CREBZF: variants seen among roughly 807,000 people sequenced by gnomAD.
The protein encoded by CREBZF is HCF-binding transcription factor Zhangfei.
In CREBZF, 8 loss-of-function variants were observed where a neutral mutation model predicts 21.1. That is an observed-to-expected ratio of 0.38 (90% CI 0.22 to 0.68). The LOEUF (loss-of-function observed/expected upper bound fraction) is 0.68. CREBZF is among the 30% of genes least tolerant of loss of function. The probability of loss-of-function intolerance (pLI) is 0.51; values close to 1 mark genes in which losing one functional copy is unlikely to be tolerated. For synonymous variants in CREBZF, 270 were observed against 223.3 expected, an observed-to-expected ratio of 1.21 and a Z score of -1.86; for missense variants, 518 against 484.3, an observed-to-expected ratio of 1.07 and a Z score of -0.65.
At chr11:85,676,810 C>T (rs79192253) in intron 1 of CREBZF, among the ~76,000 whole-genome samples, 53 of 135,040 alleles carry the variant, frequency 3.9e-4, no homozygotes, top group Non-Finnish European at 6.7e-4. Flanking sequence ...GCTAATTTTT[C>T]TTTTTTTTTT....
In CREBZF at chr11:85,661,884, A is replaced by T. The variant is rs1591475025; in HGVS notation, c.*1927T>A. ...TTTCAATTCAAGGCTTCTGTTTCAA[A>T]AAAGCTACATTTAACATATTTCATA... On this transcript the variant is annotated 3_prime_UTR_variant, in exon 1 of 1. Transcript: ENST00000527447. The T allele has an allele frequency of 6.6e-6, 1 of 152,066 alleles. No individual in the cohort carries two copies. The highest frequency in any genetic ancestry group is 1.9e-4 in the East Asian group (1 of 5,174). 9.4% of individuals were successfully genotyped at this position (152,066 alleles called of 1,614,324 possible).
Position 85,664,778 on chromosome 11 carries a change from G to C in CREBZF, c.98C>G (p.Ser33Cys), listed in dbSNP as rs1321304168. ...CCCCGCTGCAGCCCGGGTCAGGTCA[G>C]AGGGCAGCGAACAAGTTGCAGCCGG... ...PEPAATCSLP[S>C]DLTRAAAGEE... The change falls in exon 1 of 1, where the codon TCT (serine) becomes TGT (cysteine). Residue 33 changes from serine to cysteine, a missense_variant. By Grantham distance (112) the Ser-to-Cys change is moderately radical (BLOSUM62 -1). Around this residue, in one of 3 missense-constraint regions of CREBZF, gnomAD observed 396 missense variants for 324.4 expected, o/e 1.22. Transcript: ENST00000527447. The surrounding 1 kb of genome is among the most constrained non-coding windows in gnomAD (Gnocchi z 5.5). 5.0e-6 allele frequency: 8 copies of C among 1,590,036 alleles called. No homozygotes were observed. The highest frequency in any genetic ancestry group is 2.2e-5 in the East Asian group (1 of 44,632).
At position 85,665,108 on chromosome 11, in the gene CREBZF, G is replaced by A. The variant is rs574531766; in HGVS notation, c.-233C>T. On this transcript the variant is annotated 5_prime_UTR_variant, in exon 1 of 1. Transcript: ENST00000527447. Reference sequence around the variant, plus strand: ...TGCGATGACTCGACCGCGCCACCCAGACAACGGCGTAGCCGGAAGTCAGTG... The same window carrying A: ...TGCGATGACTCGACCGCGCCACCCAAACAACGGCGTAGCCGGAAGTCAGTG... 6 of 418,910 alleles carry A rather than the reference G, an allele frequency of 1.4e-5. No homozygotes were observed. The highest frequency in any genetic ancestry group is 2.6e-5 in the Non-Finnish European group (6 of 230,500). 25.9% of individuals were successfully genotyped at this position (418,910 alleles called of 1,614,324 possible). A position where few individuals can be genotyped will look rare whatever the true frequency, so the allele number is the denominator to read the frequency against.
chr11:85,662,668 A>T lies in CREBZF; in HGVS notation c.*1143T>A, dbSNP rs1012221191. The T allele has an allele frequency of 5.0e-6, 2 of 402,320 alleles. No individual in the cohort carries two copies. Among genetic ancestry groups the T allele is most frequent in the East Asian group, 7.0e-5 (2 of 28,726 alleles). 24.9% of individuals were successfully genotyped at this position (402,320 alleles called of 1,614,324 possible). On this transcript the variant is annotated 3_prime_UTR_variant, in exon 1 of 1. Coordinates refer to ENST00000527447, the MANE Select transcript of CREBZF (RefSeq NM_001039618.4). Reference sequence around the variant, plus strand: ...TGGCCAGAACCACTCAATTTAAAAAATTATTTTAAAATAGGACAAATACTT... The same window carrying T: ...TGGCCAGAACCACTCAATTTAAAAATTTATTTTAAAATAGGACAAATACTT...
rs1483382870 is a variant in CREBZF, at chr11:85,663,830, G to C, written c.1046C>G (p.Ser349Trp). 1 of 1,601,780 alleles carries C rather than the reference G, an allele frequency of 6.2e-7. No individual in the cohort carries two copies. Among genetic ancestry groups the C allele is most frequent in the Non-Finnish European group, 8.5e-7 (1 of 1,176,366 alleles). The change falls in exon 1 of 1, where the codon TCG (serine) becomes TGG (tryptophan). Residue 349 changes from serine to tryptophan, a missense_variant. Physicochemically the swap from Ser to Trp is radical, Grantham distance 177. Transcript: ENST00000527447. ...EFCSACARKA[S>W]SSLKM is the part of the protein sequence containing the mutation. ...TTGACCCTACATTTTAAGAGAAGAC[G>C]ACGCCTTCCGGGCGCACGCCGAGCA...
At chr11:85,677,464 A>T (rs1424702340) in intron 1 of CREBZF, among the ~76,000 whole-genome samples, 2 of 152,190 alleles carry the variant, frequency 1.3e-5, no homozygotes, top group Non-Finnish European at 2.9e-5. Flanking sequence ...CTAGGACAGC[A>T]ATCCCCCACC....
chr11:85,668,997 G>A (rs1407576883), upstream of CREBZF, among the ~76,000 whole-genome samples: 1 of 28,436 alleles, frequency 3.5e-5, no homozygotes, highest in Non-Finnish European at 6.9e-5. Flanking sequence ...GCGAGACTCC[G>A]TCTCAAAAAA....
intron 1 of CREBZF, among the ~76,000 whole-genome samples, chr11:85,673,850 A>G (rs148107912): frequency 6.4e-4 from 97 of 152,350 alleles, no homozygotes; most frequent in Middle Eastern, 3.4e-3. Context: ...TGTTCACAGC[A>G]TCTTCACCAG....
At chr11:85,677,929 C>A (rs2082952054) in intron 1 of CREBZF, among the ~76,000 whole-genome samples, 1 of 152,132 alleles carries the variant, frequency 6.6e-6, no homozygotes, top group Admixed American at 6.5e-5. Flanking sequence ...TGAAAAGCAA[C>A]TTTCATTACT....
Position 85,658,901 on chromosome 11 carries a change from A to G in CREBZF, c.*4910T>C, listed in dbSNP as rs1376237744. On this transcript the variant is annotated 3_prime_UTR_variant, in exon 1 of 1. Transcript: ENST00000527447. ...TTCAATTAGTTCATTGTGAAAACTG[A>G]GCAAAATATTTTCAACAATTTTGGG... Among the ~76,000 whole-genome samples, 3 of 152,098 alleles carry G rather than the reference A, an allele frequency of 2.0e-5. No individual in the cohort carries two copies. Among genetic ancestry groups the G allele is most frequent in the Non-Finnish European group, 2.9e-5 (2 of 67,950 alleles).
At chr11:85,665,362 A>C (rs985959384), upstream of CREBZF, among the ~76,000 whole-genome samples, 4 of 152,072 alleles carry the variant, frequency 2.6e-5, no homozygotes, top group African/African-American at 9.7e-5. Context: ...TCTTTACATA[A>C]ATGCTTGTAA....
rs1453190356 is a variant in CREBZF, at chr11:85,662,479, G to A, written c.*1332C>T. 1.4e-6 allele frequency: 1 copy of A among 714,890 alleles called. No individual in the cohort carries two copies. The highest frequency in any genetic ancestry group is 1.5e-5 in the South Asian group (1 of 67,376). 44.3% of individuals were successfully genotyped at this position (714,890 alleles called of 1,614,324 possible). A position where few individuals can be genotyped will look rare whatever the true frequency, so the allele number is the denominator to read the frequency against. ...TCCACTTTAGCACAAAGAAAAACAA[G>A]GATGCTAAATACGTATATACTTTAT... is the stretch of plus-strand genomic sequence containing the variant. On this transcript the variant is annotated 3_prime_UTR_variant, in exon 1 of 1. Coordinates refer to ENST00000527447, the MANE Select transcript of CREBZF (RefSeq NM_001039618.4).
chr11:85,664,197 CCTT>C lies in CREBZF; in HGVS notation c.676_678del (p.Lys226del), dbSNP rs774129737. 6 of 1,613,286 alleles carry C rather than the reference CCTT, an allele frequency of 3.7e-6. No individual in the cohort carries two copies. Among genetic ancestry groups the C allele is most frequent in the Non-Finnish European group, 4.2e-6 (5 of 1,180,020 alleles). On this transcript the variant is annotated inframe_deletion, in exon 1 of 1. Transcript: ENST00000527447. The surrounding 1 kb of genome is among the most constrained non-coding windows in gnomAD (Gnocchi z 5.5). Reference sequence around the variant, plus strand: ...CGACTCTCCAGCCCCATCACGTACTCCTTCTTCTTCAGTCGATTAAGGCGGGCA... The same window carrying C: ...CGACTCTCCAGCCCCATCACGTACTCCTTCTTCAGTCGATTAAGGCGGGCA...
chr11:85,677,566 T>G (rs2082950415), intron 1 of CREBZF, among the ~76,000 whole-genome samples: 1 of 152,220 alleles, frequency 6.6e-6, no homozygotes, highest in African/African-American at 2.4e-5. Context: ...TCTTGTGGTG[T>G]TATTTTACTT....
upstream of CREBZF, among the ~76,000 whole-genome samples, chr11:85,668,874 C>T (rs1365879421): frequency 1.3e-5 from 2 of 149,938 alleles, no homozygotes; most frequent in African/African-American, 4.9e-5. Flanking sequence ...TGGTAGCGGG[C>T]GCCTGTAGTC....
rs901396769 is a variant in CREBZF, at chr11:85,661,962, A to T, written c.*1849T>A. 1.4e-5 allele frequency: 2 copies of T among 146,614 alleles called. No individual in the cohort carries two copies. Among genetic ancestry groups the T allele is most frequent in the Non-Finnish European group, 3.0e-5 (2 of 66,476 alleles). The allele number at this position is 146,614 out of a possible 1,614,324, so 9.1% of individuals were successfully genotyped here. The stretch of plus-strand genomic sequence containing the variant: ...TAATCTTTCCAACTACTTTTGGTTT[A>T]TATATATATATATATATGTATATAT... On this transcript the variant is annotated 3_prime_UTR_variant, in exon 1 of 1. Coordinates refer to ENST00000527447, the MANE Select transcript of CREBZF (RefSeq NM_001039618.4).
At position 85,664,799 on chromosome 11, in the gene CREBZF, G is replaced by T; in HGVS notation, c.77C>A (p.Ala26Asp). The T allele has an allele frequency of 6.3e-7, 1 of 1,578,114 alleles. No individual in the cohort carries two copies. The highest frequency in any genetic ancestry group is 8.6e-7 in the Non-Finnish European group (1 of 1,165,804). ...SPTRSESPEPAATCSLPSDLT... is the reference protein window; with the variant it reads ...SPTRSESPEPDATCSLPSDLT... The stretch of plus-strand genomic sequence containing the variant: ...GTCAGAGGGCAGCGAACAAGTTGCA[G>T]CCGGCTCCGGGCTCTCACTGCGGGT... Residue 26 changes from alanine to aspartate, a missense_variant, in exon 1 of 1, where the codon GCT becomes GAT. Coordinates refer to ENST00000527447, the MANE Select transcript of CREBZF (RefSeq NM_001039618.4). The surrounding 1 kb of genome is among the most constrained non-coding windows in gnomAD (Gnocchi z 5.5).
chr11:85,664,183 C>A lies in CREBZF; in HGVS notation c.693G>T (p.Gly231=). 1 of 1,613,476 alleles carries A rather than the reference C, an allele frequency of 6.2e-7. No individual in the cohort carries two copies. The highest frequency in any genetic ancestry group is 8.5e-7 in the Non-Finnish European group (1 of 1,180,008). ...CCAGACCCCGGACTCGACTCTCCAG[C>A]CCCATCACGTACTCCTTCTTCTTCA... ...NRLKKKEYVM[G]LESRVRGLAA... Residue 231 remains glycine, a synonymous_variant, in exon 1 of 1, where the codon GGG becomes GGT. Coordinates refer to ENST00000527447, the MANE Select transcript of CREBZF (RefSeq NM_001039618.4). This position sits in a 1 kb window ranked among gnomAD's most constrained non-coding sequence, Gnocchi z 5.5.
intron 1 of CREBZF, among the ~76,000 whole-genome samples, chr11:85,672,611 A>C (rs2082919335): frequency 1.3e-5 from 2 of 151,742 alleles, no homozygotes; most frequent in South Asian, 2.1e-4. Flanking sequence ...TAAAGAATCC[A>C]CTTCCAGGTG....
Sources: gnomAD v4.1 joint callset for allele counts (sites outside exome capture counted in the v4.1 genomes callset) on GRCh38, gnomAD v4.1.1 for gene constraint, gnomAD v4.1.1 regional missense constraint, Gnocchi (gnomAD v3.1) non-coding constraint, MANE v1.5 for transcripts, NCBI Gene and HGNC (gene_info 2026-07-23, HGNC 2026-07-21) for gene names.